Variants in FILIP1L observed in about 807,000 individuals in gnomAD.
FILIP1L encodes filamin A-interacting protein 1-like.
FILIP1L carries 55 observed loss-of-function variants against 96.6 expected under a neutral mutation model. That is an observed-to-expected ratio of 0.57 (90% CI 0.46 to 0.71). The LOEUF (loss-of-function observed/expected upper bound fraction) is 0.71, where lower values mean the gene tolerates loss of function less well. Ranked by LOEUF, FILIP1L falls within the 30% of genes least tolerant of loss-of-function variation. The probability of loss-of-function intolerance (pLI) is 0.00; values close to 1 mark genes in which losing one functional copy is unlikely to be tolerated. For synonymous variants in FILIP1L, 467 were observed against 473.9 expected, an observed-to-expected ratio of 0.99 and a Z score of 0.19; for missense variants, 1,304 against 1,321.2, an observed-to-expected ratio of 0.99 and a Z score of 0.20.
At chr3:100,062,484 G>A (rs1194995274) in intron 1 of FILIP1L, among the ~76,000 whole-genome samples, 1 of 152,048 alleles carries the variant, frequency 6.6e-6, no homozygotes, top group Non-Finnish European at 1.5e-5. Context: ...TTAGTCCTCT[G>A]TGTTATGCAT....
chr3:100,002,537 A>T (rs1709872773), intron 1 of FILIP1L, among the ~76,000 whole-genome samples: 3 of 152,230 alleles, frequency 2.0e-5, no homozygotes, highest in Admixed American at 6.5e-5. Context: ...GGATGGAAGT[A>T]GCCTAAAATT....
At position 100,097,742 on chromosome 3, in the gene FILIP1L, C is replaced by T. The variant is rs116596947; in HGVS notation, c.-11+16311G>A. Reference sequence around the variant, plus strand: ...ATTAGTTCTGGATTTGAATATTCTTCGTTATTTGGCAAATATCACAAAGAC... The same window carrying T: ...ATTAGTTCTGGATTTGAATATTCTTTGTTATTTGGCAAATATCACAAAGAC... On this transcript the variant is annotated intron_variant, in intron 1 of 5. Transcript: ENST00000477258. Among the ~76,000 whole-genome samples, 781 of 152,222 alleles carry T rather than the reference C, an allele frequency of 5.1e-3. 2 individuals are homozygous for T. Among genetic ancestry groups the T allele is most frequent in the African/African-American group, 0.018 (749 of 41,542 alleles).
At position 100,013,261 on chromosome 3, in the gene FILIP1L, T is replaced by G. The variant is rs902901589; in HGVS notation, c.-10-82231A>C. 9.8e-5 allele frequency among the ~76,000 whole-genome samples: 13 copies of G among 132,142 alleles called. No individual in the cohort carries two copies. In the East Asian group the frequency reaches 2.8e-3, roughly 29 times the overall value. 86.7% of individuals were successfully genotyped at this position (132,142 alleles called of 152,430 possible). A position where few individuals can be genotyped will look rare whatever the true frequency, so the allele number is the denominator to read the frequency against. ...TGTTGTTGTTGTTGTTGTTGTTGTTTGAGATGGAGTCTTGCTCTGTCACCC... is the reference window on the plus strand; with the variant it reads ...TGTTGTTGTTGTTGTTGTTGTTGTTGGAGATGGAGTCTTGCTCTGTCACCC... On this transcript the variant is annotated intron_variant, in intron 1 of 5. Transcript: ENST00000477258.
chr3:99,995,053 A>T (rs1478600471), intron 1 of FILIP1L, among the ~76,000 whole-genome samples: 2 of 152,154 alleles, frequency 1.3e-5, no homozygotes, highest in East Asian at 3.9e-4. Flanking sequence ...CAGCACCCAA[A>T]GTCTTAACTC....
In FILIP1L at chr3:99,848,773, T is replaced by A; in HGVS notation, c.2903A>T (p.Asn968Ile). Residue 968 changes from asparagine (N) to isoleucine (I), a missense_variant, in exon 5 of 6, where the codon AAT becomes ATT. Asn to Ile is a moderately radical substitution (Grantham distance 149, BLOSUM62 -3). Coordinates refer to ENST00000477258, the MANE Select transcript of FILIP1L (RefSeq NM_001387850.1). ...AATTGGGGACATGCCTTGTTCTAAA[T>A]TCATGAGGTCTTCGGTAGAGGTTTT... ...KSKTSTEDLM[N>I]LEQGMSPITM... 6.2e-7 allele frequency: 1 copy of A among 1,614,140 alleles called. No individual in the cohort carries two copies. The highest frequency in any genetic ancestry group is 1.3e-5 in the African/African-American group (1 of 75,022).
chr3:99,963,532 C>A (rs1259055522), intron 1 of FILIP1L, among the ~76,000 whole-genome samples: 1 of 151,976 alleles, frequency 6.6e-6, no homozygotes, highest in Non-Finnish European at 1.5e-5. Flanking sequence ...GTTGATTGAG[C>A]GGGATATTTA....
intron 1 of FILIP1L, among the ~76,000 whole-genome samples, chr3:100,029,710 T>C (rs1325482710): frequency 1.3e-5 from 2 of 152,160 alleles, no homozygotes; most frequent in African/African-American, 4.8e-5. Flanking sequence ...TTTCTGATGG[T>C]TTCTTTTTTA....
At chr3:99,863,620 A>G (rs1944367536) in intron 4 of FILIP1L, among the ~76,000 whole-genome samples, 1 of 152,198 alleles carries the variant, frequency 6.6e-6, no homozygotes, top group East Asian at 1.9e-4. Context: ...TTAATTTTTC[A>G]GTCTATTTTG....
chr3:99,920,288 A>G (rs1707085407), intron 4 of FILIP1L, among the ~76,000 whole-genome samples: 1 of 152,146 alleles, frequency 6.6e-6, no homozygotes, highest in African/African-American at 2.4e-5. Context: ...CTTTTGCCCC[A>G]TTGAAACTGA....
chr3:99,909,365 T>A (rs1288000952), intron 4 of FILIP1L, among the ~76,000 whole-genome samples: 1 of 152,218 alleles, frequency 6.6e-6, no homozygotes, highest in Non-Finnish European at 1.5e-5. Flanking sequence ...ATGTTTCATA[T>A]ATATCCATGT....
chr3:99,939,057 G>A (rs2107674067), intron 1 of FILIP1L, among the ~76,000 whole-genome samples: 1 of 152,266 alleles, frequency 6.6e-6, no homozygotes. Flanking sequence ...CAAGTCTTTA[G>A]ACAAGGGATT....
At position 99,849,585 on chromosome 3, in the gene FILIP1L, A is replaced by C. The variant is rs1230509196; in HGVS notation, c.2091T>G (p.His697Gln). Residue 697 changes from histidine to glutamine, a missense_variant, in exon 5 of 6, where the codon CAT (histidine) becomes CAG (glutamine). By Grantham distance (24) the His-to-Gln change is conservative. Transcript: ENST00000477258. The part of the protein sequence containing the change: ...YKLAEKTETS[H>Q]EQWLFKRLQE... Reference sequence around the variant, plus strand: ...GAAGCCTTTTGAAAAGCCATTGTTCATGGCTGGTCTCTGTCTTTTCTGCTA... The same window carrying C: ...GAAGCCTTTTGAAAAGCCATTGTTCCTGGCTGGTCTCTGTCTTTTCTGCTA... 1 of 1,613,658 alleles carries C rather than the reference A, an allele frequency of 6.2e-7. No individual in the cohort carries two copies. The highest frequency in any genetic ancestry group is 8.5e-7 in the Non-Finnish European group (1 of 1,180,012).
At chr3:99,913,118 C>T (rs953503635) in intron 4 of FILIP1L, among the ~76,000 whole-genome samples, 15 of 152,148 alleles carry the variant, frequency 9.9e-5, no homozygotes, top group Non-Finnish European at 1.6e-4. Flanking sequence ...AGAAGAGGGC[C>T]CTTACCAGAA....
chr3:99,983,689 CAA>C (rs533900254), intron 1 of FILIP1L, among the ~76,000 whole-genome samples: 12 of 89,902 alleles, frequency 1.3e-4, no homozygotes, highest in East Asian at 9.3e-4. Context: ...GACTCAGTCT[CAA>C]AAAAAAAAAA....
intron 1 of FILIP1L, among the ~76,000 whole-genome samples, chr3:100,112,754 A>G (rs2066512108): frequency 6.6e-6 from 1 of 152,228 alleles, no homozygotes; most frequent in Non-Finnish European, 1.5e-5. Context: ...CCAGGTGGAA[A>G]GAGCCCATGA....
At chr3:99,951,689 C>T (rs1708182447) in intron 1 of FILIP1L, among the ~76,000 whole-genome samples, 1 of 152,208 alleles carries the variant, frequency 6.6e-6, no homozygotes, top group African/African-American at 2.4e-5. Context: ...TATGTCTCTT[C>T]CCTAATGACA....
rs954346915 is a variant in FILIP1L at position 100,039,420 on chromosome 3, A to G, written c.-11+74633T>C. Among the ~76,000 whole-genome samples, 5 of 152,202 alleles carry G rather than the reference A, an allele frequency of 3.3e-5. No homozygotes were observed. The South Asian group carries it at 6.2e-4, about 19-fold the overall frequency. The stretch of plus-strand genomic sequence containing the variant: ...GTATGTAGTATAAAGATTTCACAGT[A>G]TAAAGATTTCAGTGGAGTTCTACAA... On this transcript the variant is annotated intron_variant, in intron 1 of 5. Transcript: ENST00000477258.
In FILIP1L at chr3:100,080,705, G is replaced by A. The variant is rs9862384; in HGVS notation, c.-11+33348C>T. On this transcript the variant is annotated intron_variant, in intron 1 of 5. Coordinates refer to ENST00000477258, the MANE Select transcript of FILIP1L (RefSeq NM_001387850.1). ...GTGGGTTTGTCACATGATTAGAATC[G>A]ATGCCATTTCTTGGTCATATCAGCT... 5.3e-3 allele frequency among the ~76,000 whole-genome samples: 806 copies of A among 152,284 alleles called. 6 individuals are homozygous for A. The highest frequency in any genetic ancestry group is 0.018 in the African/African-American group (758 of 41,542).
At chr3:100,047,042 T>C (rs1300490113) in intron 1 of FILIP1L, among the ~76,000 whole-genome samples, 1 of 152,222 alleles carries the variant, frequency 6.6e-6, no homozygotes, top group Non-Finnish European at 1.5e-5. Flanking sequence ...AGATAAAATG[T>C]AAAGGGTATT....
Sources: gnomAD v4.1 joint callset for allele counts (sites outside exome capture counted in the v4.1 genomes callset) on GRCh38, gnomAD v4.1.1 for gene constraint, MANE v1.5 for transcripts, NCBI Gene and HGNC (gene_info 2026-07-23, HGNC 2026-07-21) for gene names.